Variants in GLIPR2 observed in about 807,000 individuals in gnomAD.
The protein encoded by GLIPR2 is GLI pathogenesis related 2.
GLIPR2 carries 21 observed loss-of-function variants against 20.4 expected under a neutral mutation model. The observed-to-expected ratio is 1.03, with a 90% CI of 0.73 to 1.48. The LOEUF (loss-of-function observed/expected upper bound fraction) is 1.48. GLIPR2 is among the 40% of genes most tolerant of loss of function. The pLI is 0.00. For missense variants in GLIPR2, 205 were observed against 200.1 expected (o/e 1.02, Z -0.15); for synonymous variants, 91 against 80.5 (o/e 1.13, Z -0.70).
chr9:36,143,886 T>C (rs998167925), intron 1 of GLIPR2, among the ~76,000 whole-genome samples: 3 of 152,192 alleles, frequency 2.0e-5, no homozygotes, highest in African/African-American at 7.2e-5. Context: ...CCTGCCTTTC[T>C]ACCCACTGGC....
chr9:36,145,667 G>A (rs111269771), intron 1 of GLIPR2, among the ~76,000 whole-genome samples: 2,728 of 152,280 alleles, frequency 0.018, 78 homozygotes, highest in African/African-American at 0.061. Flanking sequence ...TTAGGTGGAT[G>A]GGTGGGTAGA....
intron 3 of GLIPR2, among the ~76,000 whole-genome samples, chr9:36,149,984 C>T (rs560575528): frequency 1.1e-4 from 16 of 152,290 alleles, no homozygotes; most frequent in Non-Finnish European, 1.5e-4. Flanking sequence ...GCTGAGATCG[C>T]GCCATTGCAC....
chr9:36,156,512 A>G (rs1825840646), intron 4 of GLIPR2, among the ~76,000 whole-genome samples: 1 of 152,082 alleles, frequency 6.6e-6, no homozygotes, highest in Admixed American at 6.6e-5. Context: ...TTATGCAATC[A>G]TCGCCACCAT....
chr9:36,148,704 G>A (rs1825447792), intron 3 of GLIPR2, 54 bp downstream of exon 3: 2 of 1,265,862 alleles, frequency 1.6e-6, no homozygotes, highest in East Asian at 2.4e-5. Context: ...AGAAGGACAA[G>A]TCCTCCTGAA....
Position 36,148,667 on chromosome 9 carries a change from GCTCCT to G in GLIPR2, c.226+26_226+30del. ...ATCAGACAGGTGGGTCGCATTTTCAGCTCCTCTCCTCTCTGCGGGAGCTGGAAGAA... is the reference window on the plus strand; with the variant it reads ...ATCAGACAGGTGGGTCGCATTTTCAGCTCCTCTCTGCGGGAGCTGGAAGAA... On this transcript the variant is annotated intron_variant, in intron 3 of 4. Transcript: ENST00000377960. The G allele has an allele frequency of 6.5e-7, 1 of 1,539,608 alleles. No individual in the cohort carries two copies. Among genetic ancestry groups the G allele is most frequent in the Non-Finnish European group, 9.0e-7 (1 of 1,114,062 alleles).
In GLIPR2 at chr9:36,162,779, GT is replaced by G. The variant is rs74320217; in HGVS notation, c.*269del. On this transcript the variant is annotated 3_prime_UTR_variant, in exon 5 of 5. Coordinates refer to ENST00000377960, the MANE Select transcript of GLIPR2 (RefSeq NM_022343.4). ...TTTGGATTGGGGGGAGGGGGGATCC[GT>G]TTTTTTTTTTTAATTTTTTGTTATT... 0.061 allele frequency: 23,435 copies of G among 386,752 alleles called. 279 individuals are homozygous for G. Among genetic ancestry groups the G allele is most frequent in the Non-Finnish European group, 0.069 (14,427 of 209,372 alleles). 24.0% of individuals were successfully genotyped at this position (386,752 alleles called of 1,614,324 possible).
At chr9:36,147,654 G>C in intron 1 of GLIPR2, 132 bp from the exon 2 acceptor site, 1 of 674,704 alleles carries the variant, frequency 1.5e-6, no homozygotes, top group Non-Finnish European at 2.8e-6. Context: ...TGGGGTGCCA[G>C]GTGTTGGAGG....
At chr9:36,149,092 T>C (rs1825471215) in intron 3 of GLIPR2, among the ~76,000 whole-genome samples, 1 of 152,182 alleles carries the variant, frequency 6.6e-6, no homozygotes, top group African/African-American at 2.4e-5. Flanking sequence ...ATTACTTTTA[T>C]AATAGGAGAA....
intron 4 of GLIPR2, among the ~76,000 whole-genome samples, chr9:36,158,417 T>C (rs575996033): frequency 6.6e-6 from 1 of 152,308 alleles, no homozygotes; most frequent in East Asian, 1.9e-4. Flanking sequence ...GTGAAGTGGT[T>C]GCCCTTTTTT....
chr9:36,151,029 C>G, intron 4 of GLIPR2, 80 bp downstream of exon 4: 1 of 925,220 alleles, frequency 1.1e-6, no homozygotes, highest in Non-Finnish European at 1.8e-6. Context: ...AGGAACCAGC[C>G]CTCTAAAAAA....
chr9:36,155,004 G>A (rs1226143655), intron 4 of GLIPR2, among the ~76,000 whole-genome samples: 1 of 152,200 alleles, frequency 6.6e-6, no homozygotes, highest in Non-Finnish European at 1.5e-5. Context: ...CCAGGCTGCC[G>A]AGAGCCTGGA....
chr9:36,162,503 T>A lies in GLIPR2; in HGVS notation c.446T>A (p.Val149Asp). 7 of 1,614,174 alleles carry A rather than the reference T, an allele frequency of 4.3e-6. No individual in the cohort carries two copies. The highest frequency in any genetic ancestry group is 5.9e-6 in the Non-Finnish European group (7 of 1,180,018). ...AATGAGGGCTTCTTCGAAGAAAACGTCCTGCCGCCGAAGAAGTAACTTGTT... is the reference window on the plus strand; with the variant it reads ...AATGAGGGCTTCTTCGAAGAAAACGACCTGCCGCCGAAGAAGTAACTTGTT... ...VVNEGFFEEN[V>D]LPPKK The change falls in exon 5 of 5, where the codon GTC becomes GAC. Residue 149 changes from valine (V) to aspartate (D), a missense_variant. Physicochemically the swap from Val to Asp is radical, Grantham distance 152 (BLOSUM62 -3). Transcript: ENST00000377960.
At chr9:36,149,427 C>A (rs115673364) in intron 3 of GLIPR2, among the ~76,000 whole-genome samples, 2 of 152,242 alleles carry the variant, frequency 1.3e-5, no homozygotes, top group Non-Finnish European at 2.9e-5. Flanking sequence ...CCTTGGCACC[C>A]CCACTGGGAG....
At chr9:36,151,037 A>G (rs1165324005) in intron 4 of GLIPR2, 88 bp downstream of exon 4, 2 of 854,992 alleles carry the variant, frequency 2.3e-6, no homozygotes, top group Non-Finnish European at 4.0e-6. Flanking sequence ...GCCCTCTAAA[A>G]AAATCAATCC....
intron 4 of GLIPR2, chr9:36,162,152 GTT>G: frequency 7.9e-7 from 1 of 1,258,940 alleles, no homozygotes; most frequent in Non-Finnish European, 1.1e-6. Context: ...TCCAGCCTGG[GTT>G]ACAGAGCGAG....
chr9:36,142,351 A>G (rs910723488), intron 1 of GLIPR2, among the ~76,000 whole-genome samples: 2 of 152,138 alleles, frequency 1.3e-5, no homozygotes, highest in Non-Finnish European at 2.9e-5. Flanking sequence ...AGGGCTTTGC[A>G]TAGGATCTGG....
At chr9:36,148,140 C>T (rs559265900) in intron 2 of GLIPR2, among the ~76,000 whole-genome samples, 35 of 152,100 alleles carry the variant, frequency 2.3e-4, no homozygotes, top group Non-Finnish European at 4.3e-4. Context: ...CCCAGCTACT[C>T]GAGAGGCTGA....
chr9:36,162,528 T>G lies in GLIPR2; in HGVS notation c.*6T>G. 6.2e-7 allele frequency: 1 copy of G among 1,614,038 alleles called. No individual in the cohort carries two copies. Among genetic ancestry groups the G allele is most frequent in the Middle Eastern group, 1.7e-4 (1 of 6,060 alleles). The stretch of plus-strand genomic sequence containing the variant: ...TCCTGCCGCCGAAGAAGTAACTTGT[T>G]AAATGTAATGGGAAGGTGGCAGACT... On this transcript the variant is annotated 3_prime_UTR_variant, in exon 5 of 5. Coordinates refer to ENST00000377960, the MANE Select transcript of GLIPR2 (RefSeq NM_022343.4).
At chr9:36,155,393 G>A (rs186260377) in intron 4 of GLIPR2, among the ~76,000 whole-genome samples, 3 of 151,816 alleles carry the variant, frequency 2.0e-5, no homozygotes, top group South Asian at 4.1e-4. Flanking sequence ...TCAGGAGTTC[G>A]AGACCACCCT....
Sources: allele counts gnomAD v4.1 joint callset (sites outside exome capture counted in the v4.1 genomes callset), GRCh38; gene constraint gnomAD v4.1.1; transcripts MANE v1.5; gene names NCBI Gene and HGNC (gene_info 2026-07-23, HGNC 2026-07-21).